The following SAMMSON variants were observed in gnomAD, a reference collection of about 807,000 sequenced individuals.
The protein encoded by SAMMSON is long intergenic non-protein coding RNA 1212.
chr3:70,203,184 A>G (rs963133845), intron 4 of SAMMSON, among the ~76,000 whole-genome samples: 1 of 152,160 alleles, frequency 6.6e-6, no homozygotes, highest in African/African-American at 2.4e-5. Context: ...AAAGAAAAAG[A>G]AAAGAGCCAG....
intron 4 of SAMMSON, among the ~76,000 whole-genome samples, chr3:70,189,309 A>G (rs1365381559): frequency 1.4e-4 from 21 of 152,198 alleles, no homozygotes; most frequent in Admixed American, 1.4e-3. Context: ...TCATGCAGAA[A>G]GCCCCAGTGA....
chr3:70,127,451 C>T (rs1338853526), intron 4 of SAMMSON, among the ~76,000 whole-genome samples: 1 of 152,128 alleles, frequency 6.6e-6, no homozygotes, highest in Non-Finnish European at 1.5e-5. Context: ...TTCTCCACAC[C>T]TAAACTCTAG....
chr3:70,198,425 A>G (rs1294157324), intron 4 of SAMMSON, among the ~76,000 whole-genome samples: 1 of 152,140 alleles, frequency 6.6e-6, no homozygotes, highest in African/African-American at 2.4e-5. Flanking sequence ...CTTTTCTTTC[A>G]TTATTCATAT....
At chr3:70,327,999 A>G (rs527593507) in intron 7 of SAMMSON, among the ~76,000 whole-genome samples, 1 of 152,322 alleles carries the variant, frequency 6.6e-6, no homozygotes, top group African/African-American at 2.4e-5. Flanking sequence ...ACAGTTCCAC[A>G]TGGCTGGGGA....
intron 4 of SAMMSON, among the ~76,000 whole-genome samples, chr3:70,161,749 T>C (rs1402658316): frequency 6.6e-6 from 1 of 151,884 alleles, no homozygotes; most frequent in Non-Finnish European, 1.5e-5. Flanking sequence ...ATTGATATTA[T>C]TGCTCCTTTA....
chr3:70,030,883 A>T (rs1476038582), intron 3 of SAMMSON, among the ~76,000 whole-genome samples: 3 of 152,316 alleles, frequency 2.0e-5, no homozygotes, highest in East Asian at 1.9e-4. Flanking sequence ...ATTATTTTTT[A>T]AAAAAGAAAA....
intron 6 of SAMMSON, among the ~76,000 whole-genome samples, chr3:70,287,919 T>C (rs1168835749): frequency 1.3e-5 from 2 of 152,332 alleles, no homozygotes; most frequent in East Asian, 3.9e-4. Flanking sequence ...CTTTATCATT[T>C]TTTATTGCGT....
intron 4 of SAMMSON, among the ~76,000 whole-genome samples, chr3:70,102,794 A>G (rs1239492651): frequency 2.6e-5 from 4 of 152,146 alleles, no homozygotes; most frequent in African/African-American, 9.7e-5. Flanking sequence ...GGACATAGAG[A>G]GCGAAAGTTA....
At chr3:70,207,110 A>G (rs542418100) in intron 4 of SAMMSON, among the ~76,000 whole-genome samples, 1 of 151,364 alleles carries the variant, frequency 6.6e-6, no homozygotes, top group South Asian at 2.1e-4. Context: ...CTCATAGTAC[A>G]TTGTCAGCCT....
intron 4 of SAMMSON, among the ~76,000 whole-genome samples, chr3:70,219,064 T>A (rs965516130): frequency 3.3e-5 from 5 of 152,172 alleles, no homozygotes; most frequent in Admixed American, 2.0e-4. Flanking sequence ...TTTAAAAAAA[T>A]TATTTCTAAA....
At chr3:70,161,360 T>C (rs747240250) in intron 4 of SAMMSON, among the ~76,000 whole-genome samples, 1 of 152,110 alleles carries the variant, frequency 6.6e-6, no homozygotes, top group South Asian at 2.1e-4. Flanking sequence ...ATTCCAAGCT[T>C]GTTGAGAGCT....
At chr3:70,144,836 C>T (rs1267659670) in intron 4 of SAMMSON, among the ~76,000 whole-genome samples, 1 of 152,274 alleles carries the variant, frequency 6.6e-6, no homozygotes, top group East Asian at 1.9e-4. Context: ...CTTGCCTCTG[C>T]CATGATTGTG....
At chr3:70,031,774 G>A (rs879878632) in intron 3 of SAMMSON, among the ~76,000 whole-genome samples, 45 of 152,122 alleles carry the variant, frequency 3.0e-4, no homozygotes, top group Admixed American at 2.9e-3. Flanking sequence ...AAGAGAATTC[G>A]ATGATGAGAC....
At chr3:70,236,817 A>T (rs1447805621) in intron 4 of SAMMSON, among the ~76,000 whole-genome samples, 1 of 152,140 alleles carries the variant, frequency 6.6e-6, no homozygotes, top group Non-Finnish European at 1.5e-5. Flanking sequence ...GCTGGTCTCA[A>T]AGTCCTGGCC....
intron 4 of SAMMSON, among the ~76,000 whole-genome samples, chr3:70,072,921 T>G (rs1288042411): frequency 6.6e-6 from 1 of 152,076 alleles, no homozygotes; most frequent in Non-Finnish European, 1.5e-5. Flanking sequence ...CCATTCTTAA[T>G]TGGGCTCATT....
chr3:70,425,934 G>A (rs1701362458), intron 2 of SAMMSON, among the ~76,000 whole-genome samples: 1 of 152,122 alleles, frequency 6.6e-6, no homozygotes, highest in Admixed American at 6.6e-5. Flanking sequence ...ACCATCTGCA[G>A]CCAAGGCTCT....
intron 6 of SAMMSON, among the ~76,000 whole-genome samples, chr3:70,285,941 G>A (rs1702157796): frequency 6.6e-6 from 1 of 151,242 alleles, no homozygotes; most frequent in Non-Finnish European, 1.5e-5. Flanking sequence ...TGAGTTCATT[G>A]TAGATTCTGG....
intron 7 of SAMMSON, among the ~76,000 whole-genome samples, chr3:70,308,705 T>C (rs1702426200): frequency 6.6e-6 from 1 of 152,174 alleles, no homozygotes; most frequent in African/African-American, 2.4e-5. Flanking sequence ...ACTTACACCT[T>C]GTCTCTAGTC....
chr3:70,348,900 T>C (rs1387839261), intron 7 of SAMMSON, among the ~76,000 whole-genome samples: 2 of 152,150 alleles, frequency 1.3e-5, no homozygotes, highest in Admixed American at 1.3e-4. Flanking sequence ...CTGAGCTATA[T>C]GAAGAGAGAC....
Sources: allele counts gnomAD v4.1 joint callset (sites outside exome capture counted in the v4.1 genomes callset), GRCh38; gene constraint gnomAD v4.1.1; transcripts MANE v1.5; gene names NCBI Gene and HGNC (gene_info 2026-07-23, HGNC 2026-07-21).